SLC9A9: variants seen among roughly 807,000 people sequenced by gnomAD.
SLC9A9 encodes solute carrier family 9 member A9.
In SLC9A9, 62 loss-of-function variants were observed where a neutral mutation model predicts 77.8. That is an observed-to-expected ratio of 0.80 (90% confidence interval 0.65 to 0.98). SLC9A9 has a LOEUF of 0.98. Among genes scored for constraint, SLC9A9 ranks in the 50% least tolerant of loss-of-function variants. The pLI is 0.00. For missense variants in SLC9A9, 775 were observed against 774.9 expected (o/e 1.00, Z 0.00); for synonymous variants, 320 against 283.5 (o/e 1.13, Z -1.29).
chr3:143,785,785 C>T (rs1576724589), intron 4 of SLC9A9, among the ~76,000 whole-genome samples: 1 of 147,862 alleles, frequency 6.8e-6, no homozygotes, highest in East Asian at 2.0e-4. Flanking sequence ...AAAAAAATGA[C>T]TATGTCTGAG....
intron 14 of SLC9A9, among the ~76,000 whole-genome samples, chr3:143,358,683 T>C (rs1259903583): frequency 2.0e-5 from 3 of 152,214 alleles, no homozygotes; most frequent in African/African-American, 7.2e-5. Flanking sequence ...TGCAAATCCA[T>C]GCAAATAATT....
At chr3:143,774,546 C>T (rs34660393) in intron 4 of SLC9A9, among the ~76,000 whole-genome samples, 71,802 of 151,848 alleles carry the variant, frequency 0.47, 19,226 homozygotes, top group African/African-American at 0.73. Flanking sequence ...TCTTAGGGTG[C>T]GTGTGAGGAC....
At chr3:143,827,371 A>T (rs1014073932) in intron 2 of SLC9A9, among the ~76,000 whole-genome samples, 1 of 152,218 alleles carries the variant, frequency 6.6e-6, no homozygotes, top group Non-Finnish European at 1.5e-5. Context: ...TGCTCATAAC[A>T]TATAGAAGAA....
intron 11 of SLC9A9, among the ~76,000 whole-genome samples, chr3:143,477,585 C>T (rs1213530599): frequency 6.6e-6 from 1 of 152,044 alleles, no homozygotes; most frequent in African/African-American, 2.4e-5. Context: ...GAGGGGCATC[C>T]CCCAAACCCC....
chr3:143,418,271 G>A (rs1480689065), intron 12 of SLC9A9, among the ~76,000 whole-genome samples: 1 of 151,680 alleles, frequency 6.6e-6, no homozygotes, highest in Non-Finnish European at 1.5e-5. Context: ...CTGTGCCTTA[G>A]TTTTCTTATT....
At chr3:143,624,131 C>T (rs1301109545) in intron 6 of SLC9A9, among the ~76,000 whole-genome samples, 1 of 152,130 alleles carries the variant, frequency 6.6e-6, no homozygotes, top group Admixed American at 6.5e-5. Context: ...TAATAGCTTA[C>T]CAACCAAAAA....
chr3:143,398,917 ACT>A (rs1189929135), intron 12 of SLC9A9, among the ~76,000 whole-genome samples: 5 of 152,092 alleles, frequency 3.3e-5, no homozygotes, highest in East Asian at 3.8e-4. Context: ...AGCAGTTAAC[ACT>A]CTGTAAGACC....
At chr3:143,313,653 T>C (rs745758808) in intron 14 of SLC9A9, among the ~76,000 whole-genome samples, 1 of 152,232 alleles carries the variant, frequency 6.6e-6, no homozygotes. Flanking sequence ...AGAAATACCA[T>C]GTCCCGAGAG....
At chr3:143,363,122 G>C (rs1368331650) in intron 14 of SLC9A9, among the ~76,000 whole-genome samples, 1 of 152,152 alleles carries the variant, frequency 6.6e-6, no homozygotes, top group African/African-American at 2.4e-5. Flanking sequence ...AGGCTGCTGA[G>C]ACTGTTCATA....
At chr3:143,776,443 T>C (rs2007695154) in intron 4 of SLC9A9, among the ~76,000 whole-genome samples, 1 of 152,174 alleles carries the variant, frequency 6.6e-6, no homozygotes, top group African/African-American at 2.4e-5. Context: ...AAATATTAAA[T>C]CTAAAGAGCA....
chr3:143,564,622 C>T (rs2037138232), intron 8 of SLC9A9, among the ~76,000 whole-genome samples: 1 of 152,126 alleles, frequency 6.6e-6, no homozygotes, highest in Non-Finnish European at 1.5e-5. Flanking sequence ...AAAACTCCTT[C>T]AGGCAATATG....
intron 2 of SLC9A9, among the ~76,000 whole-genome samples, chr3:143,809,728 G>C (rs1430175055): frequency 1.3e-5 from 2 of 152,202 alleles, no homozygotes; most frequent in African/African-American, 4.8e-5. Context: ...CAAATCTTAT[G>C]GACAAGCACT....
chr3:143,835,848 C>G (rs892491939), intron 1 of SLC9A9, among the ~76,000 whole-genome samples: 3 of 152,220 alleles, frequency 2.0e-5, no homozygotes, highest in African/African-American at 4.8e-5. Context: ...CCACCCAGTC[C>G]ATGTGCAAAC....
chr3:143,709,902 AG>A (rs1934093600), intron 4 of SLC9A9, among the ~76,000 whole-genome samples: 1 of 152,176 alleles, frequency 6.6e-6, no homozygotes, highest in African/African-American at 2.4e-5. Context: ...TTAAGGACAG[AG>A]ATCCAACCTT....
intron 12 of SLC9A9, among the ~76,000 whole-genome samples, chr3:143,385,848 T>C (rs1425459279): frequency 1.3e-5 from 2 of 152,180 alleles, no homozygotes; most frequent in Non-Finnish European, 2.9e-5. Context: ...ATCTGGACAG[T>C]GTCCTGGGTC....
intron 5 of SLC9A9, among the ~76,000 whole-genome samples, chr3:143,655,236 C>T (rs1219072565): frequency 6.6e-6 from 1 of 152,204 alleles, no homozygotes; most frequent in Non-Finnish European, 1.5e-5. Flanking sequence ...AGACTCTCTG[C>T]AGCACCTCCG....
intron 12 of SLC9A9, among the ~76,000 whole-genome samples, chr3:143,447,013 C>T (rs752850554): frequency 8.5e-5 from 13 of 152,102 alleles, no homozygotes; most frequent in Admixed American, 2.0e-4. Context: ...AAGCCATGAT[C>T]AATATTCTGC....
At chr3:143,405,923 A>G (rs2033967208) in intron 12 of SLC9A9, among the ~76,000 whole-genome samples, 1 of 152,236 alleles carries the variant, frequency 6.6e-6, no homozygotes, top group South Asian at 2.1e-4. Context: ...ATCAATTTCT[A>G]GAGACTTTAA....
At chr3:143,447,656 T>G (rs1050638416) in intron 12 of SLC9A9, among the ~76,000 whole-genome samples, 4 of 152,164 alleles carry the variant, frequency 2.6e-5, no homozygotes, top group African/African-American at 4.8e-5. Flanking sequence ...CAAGCTTGTG[T>G]GGAATATCAC....
Sources: allele counts gnomAD v4.1 joint callset (sites outside exome capture counted in the v4.1 genomes callset), GRCh38; gene constraint gnomAD v4.1.1; transcripts MANE v1.5; gene names NCBI Gene and HGNC (gene_info 2026-07-23, HGNC 2026-07-21).